The following SHISA3 variants were observed in gnomAD, a reference collection of about 807,000 sequenced individuals.
The protein encoded by SHISA3 is shisa family member 3, also known as protein shisa-3 homolog.
In SHISA3, 15 loss-of-function variants were observed where a neutral mutation model predicts 19.2. The observed-to-expected ratio is 0.78, with a 90% CI of 0.52 to 1.20. SHISA3 has a LOEUF of 1.20. SHISA3 is among the 50% of genes most tolerant of loss of function. The pLI is 0.00. For synonymous variants in SHISA3, 145 were observed against 135.2 expected (o/e 1.07, Z -0.50); for missense variants, 327 against 315.7 (o/e 1.04, Z -0.27).
chr4:42,400,919 C>G (rs1711891444), intron 1 of SHISA3, 93 bp from the exon 2 acceptor site: 1 of 1,288,994 alleles, frequency 7.8e-7, no homozygotes, highest in African/African-American at 1.5e-5. Flanking sequence ...GTAACTGAGT[C>G]TCCCACCTCT....
Position 42,402,148 on chromosome 4 carries a change from G to A in SHISA3, c.*697G>A, listed in dbSNP as rs1213727638. 1.3e-5 allele frequency: 2 copies of A among 152,176 alleles called. No individual in the cohort carries two copies. The highest frequency in any genetic ancestry group is 2.9e-5 in the Non-Finnish European group (2 of 68,034). 9.4% of individuals were successfully genotyped at this position (152,176 alleles called of 1,614,324 possible). A position where few individuals can be genotyped will look rare whatever the true frequency, so the allele number is the denominator to read the frequency against. ...AAAATCATTTCCCCCACTCACTGGAGGGAGTATTTATTGCAGACTTTTTGT... is the reference window on the plus strand; with the variant it reads ...AAAATCATTTCCCCCACTCACTGGAAGGAGTATTTATTGCAGACTTTTTGT... On this transcript the variant is annotated 3_prime_UTR_variant, in exon 2 of 2. Coordinates refer to ENST00000319234, the MANE Select transcript of SHISA3 (RefSeq NM_001080505.3).
chr4:42,398,297 G>C lies in SHISA3; in HGVS notation c.241G>C (p.Asp81His), dbSNP rs866477983. 1.9e-6 allele frequency: 3 copies of C among 1,561,592 alleles called. No homozygotes were observed. The highest frequency in any genetic ancestry group is 3.8e-5 in the Admixed American group (2 of 53,208). ...GCTGGAGCAGGGCGGCTGCACCAAC[G>C]ACCGCCGCGAACTGGAGCACCCAGG... is the stretch of plus-strand genomic sequence containing the variant. Reference protein sequence around the residue: ...ARLEQGGCTNDRRELEHPGIT... With the variant: ...ARLEQGGCTNHRRELEHPGIT... Residue 81 changes from aspartate (D) to histidine (H), a missense_variant, in exon 1 of 2, where the codon GAC becomes CAC. Coordinates refer to ENST00000319234, the MANE Select transcript of SHISA3 (RefSeq NM_001080505.3).
chr4:42,398,574 G>A (rs1274772125), intron 1 of SHISA3, among the ~76,000 whole-genome samples: 1 of 152,178 alleles, frequency 6.6e-6, no homozygotes, highest in African/African-American at 2.4e-5. Flanking sequence ...CGGCCCGCAG[G>A]GAAAGTTTGC....
At chr4:42,400,599 G>A (rs1711880050) in intron 1 of SHISA3, among the ~76,000 whole-genome samples, 1 of 152,150 alleles carries the variant, frequency 6.6e-6, no homozygotes, top group African/African-American at 2.4e-5. Context: ...TGGATTGCCA[G>A]CCTAAGAGAG....
At chr4:42,399,468 G>A (rs1019726942) in intron 1 of SHISA3, among the ~76,000 whole-genome samples, 1 of 152,190 alleles carries the variant, frequency 6.6e-6, no homozygotes, top group Non-Finnish European at 1.5e-5. Flanking sequence ...GGCCCTCCTG[G>A]CCTGTTAGAA....
In SHISA3 at chr4:42,397,786, GC is replaced by G. The variant is rs1711778755; in HGVS notation, c.-267del. The G allele has an allele frequency of 2.4e-6, 1 of 425,516 alleles. No homozygotes were observed. The highest frequency in any genetic ancestry group is 4.1e-6 in the Non-Finnish European group (1 of 241,594). The allele number at this position is 425,516 out of a possible 1,614,324, so 26.4% of individuals were successfully genotyped here. On this transcript the variant is annotated 5_prime_UTR_variant, in exon 1 of 2. The change abolishes the stop of an existing upstream ORF in the 5' untranslated region. Coordinates refer to ENST00000319234, the MANE Select transcript of SHISA3 (RefSeq NM_001080505.3). ...AGCCGGGCGAAGGGCGGCAGCGACA[GC>G]CCCAGCAACTGCCTCTGCCGGCGCC... is the stretch of plus-strand genomic sequence containing the variant.
At chr4:42,399,214 C>CTCCAGA (rs1386265142) in intron 1 of SHISA3, among the ~76,000 whole-genome samples, 2 of 152,166 alleles carry the variant, frequency 1.3e-5, no homozygotes, top group Non-Finnish European at 2.9e-5. Context: ...CACCCCAGGA[C>CTCCAGA]TCCAGAGAGC....
Position 42,398,201 on chromosome 4 carries a change from G to C in SHISA3, c.145G>C (p.Asp49His), listed in dbSNP as rs950938437. ...GGGCTTCCAGTGCCCAGAGGACTTCGACACGCTGGACGCTACCATCTGCTG... is the reference window on the plus strand; with the variant it reads ...GGGCTTCCAGTGCCCAGAGGACTTCCACACGCTGGACGCTACCATCTGCTG... ...HEGFQCPEDF[D>H]TLDATICCGS... Residue 49 changes from aspartate (D) to histidine (H), a missense_variant, in exon 1 of 2, where the codon GAC (aspartate) becomes CAC (histidine). Asp to His is a moderately conservative substitution (Grantham distance 81). Transcript: ENST00000319234. The C allele has an allele frequency of 6.2e-7, 1 of 1,602,936 alleles. No individual in the cohort carries two copies. The highest frequency in any genetic ancestry group is 8.5e-7 in the Non-Finnish European group (1 of 1,175,018).
chr4:42,399,095 A>G (rs1288844601), intron 1 of SHISA3, among the ~76,000 whole-genome samples: 3 of 152,196 alleles, frequency 2.0e-5, no homozygotes, highest in Non-Finnish European at 4.4e-5. Flanking sequence ...TACACCTTGA[A>G]AAAAAGTTTT....
Position 42,398,074 on chromosome 4 carries a change from G to A in SHISA3, c.18G>A (p.Ala6=). The stretch of plus-strand genomic sequence containing the variant: ...CAGTGGCGATGAGGGCACTGCTGGC[G>A]CTTTGCCTTCTCCTTGGCTGGCTGC... MRALL[A]LCLLLGWLRW... is the part of the protein sequence containing the mutation. The change falls in exon 1 of 2, where the codon GCG becomes GCA. Residue 6 remains alanine (A), a synonymous_variant. Coordinates refer to ENST00000319234, the MANE Select transcript of SHISA3 (RefSeq NM_001080505.3). The A allele has an allele frequency of 6.3e-7, 1 of 1,597,388 alleles. No individual in the cohort carries two copies. The highest frequency in any genetic ancestry group is 8.5e-7 in the Non-Finnish European group (1 of 1,172,818).
chr4:42,398,677 G>A (rs2153163074), intron 1 of SHISA3, among the ~76,000 whole-genome samples: 1 of 152,324 alleles, frequency 6.6e-6, no homozygotes, highest in African/African-American at 2.4e-5. Context: ...TAAAGCCAGG[G>A]TAGACTTGGG....
At position 42,402,225 on chromosome 4, in the gene SHISA3, T is replaced by C. The variant is rs1444547639; in HGVS notation, c.*774T>C. ...AGTTGGACAGTTGGGGCTTAAAACA[T>C]TTATTTGTAAAATGAGCTATGTTCA... On this transcript the variant is annotated 3_prime_UTR_variant, in exon 2 of 2. Coordinates refer to ENST00000319234, the MANE Select transcript of SHISA3 (RefSeq NM_001080505.3). 2 of 152,236 alleles carry C rather than the reference T, an allele frequency of 1.3e-5. No homozygotes were observed. Among genetic ancestry groups the C allele is most frequent in the African/African-American group, 2.4e-5 (1 of 41,472 alleles). The allele number at this position is 152,236 out of a possible 1,614,324, so 9.4% of individuals were successfully genotyped here.
chr4:42,401,468 A>G lies in SHISA3; in HGVS notation c.*17A>G. The stretch of plus-strand genomic sequence containing the variant: ...TCCAGTTGACACGCCCAGGCCATGA[A>G]TCCACAACTCAGTCAGATGGCAGAC... On this transcript the variant is annotated 3_prime_UTR_variant, in exon 2 of 2. Coordinates refer to ENST00000319234, the MANE Select transcript of SHISA3 (RefSeq NM_001080505.3). 6.5e-7 allele frequency: 1 copy of G among 1,544,290 alleles called. No individual in the cohort carries two copies. The highest frequency in any genetic ancestry group is 8.7e-7 in the Non-Finnish European group (1 of 1,147,882).
Position 42,398,206 on chromosome 4 carries a change from G to A in SHISA3, c.150G>A (p.Thr50=), listed in dbSNP as rs753141418. The change falls in exon 1 of 2, where the codon ACG becomes ACA. Residue 50 remains threonine (T), a synonymous_variant. Transcript: ENST00000319234. ...EGFQCPEDFD[T]LDATICCGSC... is the part of the protein sequence containing the mutation. ...TCCAGTGCCCAGAGGACTTCGACAC[G>A]CTGGACGCTACCATCTGCTGCGGCT... 1.2e-6 allele frequency: 2 copies of A among 1,601,916 alleles called. No individual in the cohort carries two copies. The highest frequency in any genetic ancestry group is 1.1e-5 in the South Asian group (1 of 88,974).
chr4:42,398,931 T>C (rs1020440328), intron 1 of SHISA3, among the ~76,000 whole-genome samples: 1 of 152,188 alleles, frequency 6.6e-6, no homozygotes. Flanking sequence ...CCCCCTATTG[T>C]CACGCCTTTC....
intron 1 of SHISA3, among the ~76,000 whole-genome samples, chr4:42,399,975 G>A (rs1217510752): frequency 6.6e-6 from 1 of 152,186 alleles, no homozygotes; most frequent in African/African-American, 2.4e-5. Flanking sequence ...GTGGGAATGC[G>A]CAAACTTCTC....
Position 42,398,311 on chromosome 4 carries a change from G to T in SHISA3, c.255G>T (p.Leu85=). The T allele has an allele frequency of 6.4e-7, 1 of 1,559,834 alleles. No individual in the cohort carries two copies. Residue 85 remains leucine, a synonymous_variant, in exon 1 of 2, where the codon CTG becomes CTT. Transcript: ENST00000319234. Reference sequence around the variant, plus strand: ...GCTGCACCAACGACCGCCGCGAACTGGAGCACCCAGGCATCACTGCGCGTA... The same window carrying T: ...GCTGCACCAACGACCGCCGCGAACTTGAGCACCCAGGCATCACTGCGCGTA... ...QGGCTNDRRE[L]EHPGITAQPV...
Position 42,401,775 on chromosome 4 carries a change from T to C in SHISA3, c.*324T>C. The stretch of plus-strand genomic sequence containing the variant: ...TTTACTGGACATTCAGCTATATTGC[T>C]TAGAAAAGGGCTACATGTTTCTTTT... On this transcript the variant is annotated 3_prime_UTR_variant, in exon 2 of 2. Coordinates refer to ENST00000319234, the MANE Select transcript of SHISA3 (RefSeq NM_001080505.3). 3.9e-6 allele frequency: 1 copy of C among 256,102 alleles called. No homozygotes were observed. The highest frequency in any genetic ancestry group is 7.4e-6 in the Non-Finnish European group (1 of 135,074). The allele number at this position is 256,102 out of a possible 1,614,324, so 15.9% of individuals were successfully genotyped here. A position where few individuals can be genotyped will look rare whatever the true frequency, so the allele number is the denominator to read the frequency against.
In SHISA3 at chr4:42,401,140, T is replaced by C. The variant is rs754088359; in HGVS notation, c.406T>C (p.Phe136Leu). Residue 136 changes from phenylalanine to leucine, a missense_variant, in exon 2 of 2, where the codon TTC becomes CTC. Transcript: ENST00000319234. Reference sequence around the variant, plus strand: ...GGAGCCCTCGCAGCAGCCAATCCGCTTCTCACTCCGCAGCTATCAGACAGA... The same window carrying C: ...GGAGCCCTCGCAGCAGCCAATCCGCCTCTCACTCCGCAGCTATCAGACAGA... ...PKEPSQQPIR[F>L]SLRSYQTETL... 2 of 1,614,188 alleles carry C rather than the reference T, an allele frequency of 1.2e-6. No individual in the cohort carries two copies. Among genetic ancestry groups the C allele is most frequent in the African/African-American group, 1.3e-5 (1 of 75,040 alleles).
Sources: allele counts gnomAD v4.1 joint callset (sites outside exome capture counted in the v4.1 genomes callset), GRCh38; gene constraint gnomAD v4.1.1; transcripts MANE v1.5; gene names NCBI Gene and HGNC (gene_info 2026-07-23, HGNC 2026-07-21).